Variants in SCNN1B observed in about 807,000 individuals in gnomAD.
SCNN1B encodes the protein epithelial sodium channel subunit beta.
In SCNN1B, 46 loss-of-function variants were observed where a neutral mutation model predicts 65.3. The observed-to-expected ratio is 0.70, with a 90% CI of 0.56 to 0.90. The LOEUF is 0.90. SCNN1B is among the 40% of genes least tolerant of loss of function. The pLI is 0.00. For synonymous variants in SCNN1B, 349 were observed against 330.6 expected, an observed-to-expected ratio of 1.06 and a Z score of -0.60; for missense variants, 751 against 830.5, an observed-to-expected ratio of 0.90 and a Z score of 1.18.
intron 1 of SCNN1B, among the ~76,000 whole-genome samples, chr16:23,333,818 TAAA>T (rs539397625): frequency 0.029 from 2,253 of 77,954 alleles, 61 homozygotes; most frequent in African/African-American, 0.14. Flanking sequence ...ATTTAAAAAT[TAAA>T]TTAAGTTAAA....
chr16:23,379,580 T>C (rs1412160748), intron 11 of SCNN1B, among the ~76,000 whole-genome samples: 1 of 151,898 alleles, frequency 6.6e-6, no homozygotes, highest in African/African-American at 2.4e-5. Context: ...GACGATCAGG[T>C]GGGAGGGGAT....
At chr16:23,284,849 A>C (rs1960828955) in intron 2 of SCNN1B, among the ~76,000 whole-genome samples, 1 of 152,228 alleles carries the variant, frequency 6.6e-6, no homozygotes, top group South Asian at 2.1e-4. Context: ...CCTGATTTTC[A>C]AGTTCGATCT....
chr16:23,329,142 C>T (rs577229623), intron 1 of SCNN1B, among the ~76,000 whole-genome samples: 42 of 150,854 alleles, frequency 2.8e-4, no homozygotes, highest in Admixed American at 8.0e-4. Context: ...GACAGGGTCT[C>T]GCTCTGTCCC....
chr16:23,317,403 G>A (rs148250291), intron 1 of SCNN1B, among the ~76,000 whole-genome samples: 14 of 152,342 alleles, frequency 9.2e-5, no homozygotes, highest in Non-Finnish European at 1.5e-4. Flanking sequence ...GTTGCCCAGC[G>A]TGAGAACGGG....
chr16:23,279,070 GT>G (rs376552109), intron 1 of SCNN1B, among the ~76,000 whole-genome samples: 133 of 140,432 alleles, frequency 9.5e-4, no homozygotes, highest in African/African-American at 3.7e-3. Flanking sequence ...TTTTGTGTGT[GT>G]GGGGTGTGTG....
At chr16:23,327,647 G>A (rs114011286) in intron 1 of SCNN1B, among the ~76,000 whole-genome samples, 2,319 of 152,226 alleles carry the variant, frequency 0.015, 60 homozygotes, top group African/African-American at 0.049. Flanking sequence ...CATGTTTAAG[G>A]TTTCTTGCCA....
At chr16:23,333,624 C>T (rs1385464586) in intron 1 of SCNN1B, among the ~76,000 whole-genome samples, 1 of 152,184 alleles carries the variant, frequency 6.6e-6, no homozygotes, top group African/African-American at 2.4e-5. Flanking sequence ...TTATTGAATC[C>T]TGACAACAAC....
intron 1 of SCNN1B, among the ~76,000 whole-genome samples, chr16:23,303,752 CAA>C (rs57357047): frequency 4.8e-4 from 53 of 110,048 alleles, no homozygotes; most frequent in African/African-American, 9.5e-4. Context: ...CCCATTTCTA[CAA>C]AAAAAAAAAA....
intron 4 of SCNN1B, among the ~76,000 whole-genome samples, chr16:23,361,211 G>C (rs1367690742): frequency 6.6e-6 from 1 of 152,228 alleles, no homozygotes; most frequent in Non-Finnish European, 1.5e-5. Flanking sequence ...TTACAGGCAT[G>C]AGCCACTGCG....
chr16:23,370,520 G>T lies in SCNN1B; in HGVS notation c.881-779G>T, dbSNP rs541694664. On this transcript the variant is annotated intron_variant, in intron 5 of 12. Coordinates refer to ENST00000343070, the MANE Select transcript of SCNN1B (RefSeq NM_000336.3). ...CAACTCCACGTAGCTCAGGACCGTG[G>T]TGCGTGGGAGACTGGGTCCAGTCCC... Among the ~76,000 whole-genome samples, 3 of 152,308 alleles carry T rather than the reference G, an allele frequency of 2.0e-5. No homozygotes were observed. The South Asian group carries it at 6.2e-4, about 32-fold the overall frequency.
At chr16:23,300,993 CGT>C (rs60930177), upstream of SCNN1B, among the ~76,000 whole-genome samples, 942 of 148,010 alleles carry the variant, frequency 6.4e-3, 6 homozygotes, top group African/African-American at 0.017. Context: ...GTTAAAAACA[CGT>C]GTGTGTGTGT....
rs575653883 is a variant in SCNN1B, at chr16:23,348,023, C to T, written c.-8-569C>T. Among the ~76,000 whole-genome samples, 13 of 152,302 alleles carry T rather than the reference C, an allele frequency of 8.5e-5. No individual in the cohort carries two copies. The South Asian group carries it at 1.9e-3, about 22-fold the overall frequency. ...CTATCTCTGCAGCTGAGGCCACAGG[C>T]GGGAACCCACCCTACACAGGACACA... On this transcript the variant is annotated intron_variant, in intron 1 of 12. Coordinates refer to ENST00000343070, the MANE Select transcript of SCNN1B (RefSeq NM_000336.3). This position sits in a 1 kb window ranked among gnomAD's most constrained non-coding sequence, Gnocchi z 4.5.
In SCNN1B at chr16:23,308,765, T is replaced by C. The variant is rs148956975; in HGVS notation, c.-9+6328T>C. The stretch of plus-strand genomic sequence containing the variant: ...CTCCTGCCTCAGCTTCCCAAGTAGC[T>C]GGGATTACAGGTGCCTGCCCCCACA... On this transcript the variant is annotated intron_variant, in intron 1 of 12. Coordinates refer to ENST00000343070, the MANE Select transcript of SCNN1B (RefSeq NM_000336.3). Among the ~76,000 whole-genome samples the C allele has an allele frequency of 2.9e-3, 437 of 152,312 alleles. 1 individual carries two copies. Among genetic ancestry groups the C allele is most frequent in the African/African-American group, 0.01 (419 of 41,566 alleles).
At chr16:23,319,411 G>A (rs1961540839) in intron 1 of SCNN1B, among the ~76,000 whole-genome samples, 1 of 152,132 alleles carries the variant, frequency 6.6e-6, no homozygotes, top group Non-Finnish European at 1.5e-5. Context: ...ATGGCCCAAA[G>A]GCCGGTGTTT....
At position 23,348,704 on chromosome 16, in the gene SCNN1B, C is replaced by T. The variant is rs763513666; in HGVS notation, c.105C>T (p.Thr35=). The change falls in exon 2 of 13, where the codon ACC becomes ACT. Residue 35 remains threonine (T), a synonymous_variant. Transcript: ENST00000343070. This position sits in a 1 kb window ranked among gnomAD's most constrained non-coding sequence, Gnocchi z 4.5. ...LLVWYCDNTN[T]HGPKRIICEG... Reference sequence around the variant, plus strand: ...TGTGGTACTGCGACAACACCAACACCCACGGCCCCAAGCGCATCATCTGTG... The same window carrying T: ...TGTGGTACTGCGACAACACCAACACTCACGGCCCCAAGCGCATCATCTGTG... 1.2e-6 allele frequency: 2 copies of T among 1,614,088 alleles called. No homozygotes were observed. Among genetic ancestry groups the T allele is most frequent in the Non-Finnish European group, 1.7e-6 (2 of 1,180,028 alleles).
chr16:23,289,718 T>C (rs1369451384), intron 2 of SCNN1B, among the ~76,000 whole-genome samples: 5 of 150,568 alleles, frequency 3.3e-5, no homozygotes, highest in Non-Finnish European at 7.4e-5. Context: ...CTCTGTCACT[T>C]AGGCTGGAGT....
chr16:23,333,024 T>C (rs1200699014), intron 1 of SCNN1B, among the ~76,000 whole-genome samples: 1 of 149,344 alleles, frequency 6.7e-6, no homozygotes, highest in Non-Finnish European at 1.5e-5. Flanking sequence ...TGAGCCAAAA[T>C]CGCCCCATTG....
At chr16:23,298,145 G>A (rs1399492576), upstream of SCNN1B, among the ~76,000 whole-genome samples, 1 of 152,096 alleles carries the variant, frequency 6.6e-6, no homozygotes, top group African/African-American at 2.4e-5. Flanking sequence ...GTCCCTGAGA[G>A]ACCTCCCAAA....
rs758490626 is a variant in SCNN1B at position 23,353,053 on chromosome 16, G to A, written c.564G>A (p.Gly188=). Residue 188 remains glycine (G), a synonymous_variant, in exon 3 of 13, where the codon GGG becomes GGA. Transcript: ENST00000343070. The part of the protein sequence containing the change: ...SASEKICNAH[G]CKMAMRLCSL... Reference sequence around the variant, plus strand: ...CAGAAAAGATCTGTAATGCCCACGGGTGCAAAATGGCCATGAGACTAGTAA... The same window carrying A: ...CAGAAAAGATCTGTAATGCCCACGGATGCAAAATGGCCATGAGACTAGTAA... The A allele has an allele frequency of 6.2e-6, 10 of 1,614,136 alleles. No individual in the cohort carries two copies. In the South Asian group the frequency reaches 9.9e-5, roughly 16 times the overall value.
Sources: allele counts gnomAD v4.1 joint callset (sites outside exome capture counted in the v4.1 genomes callset), GRCh38; gene constraint gnomAD v4.1.1; non-coding constraint Gnocchi (gnomAD v3.1); transcripts MANE v1.5; gene names NCBI Gene and HGNC (gene_info 2026-07-23, HGNC 2026-07-21).